A2ML1: variants seen among roughly 807,000 people sequenced by gnomAD.
A2ML1 encodes the protein alpha-2-macroglobulin-like protein 1.
In A2ML1, 161 loss-of-function variants were observed where a neutral mutation model predicts 181.9. That is an observed-to-expected ratio of 0.89 (90% CI 0.78 to 1.01). A2ML1 has a LOEUF of 1.01. A2ML1 is among the 50% of genes least tolerant of loss of function. The probability of loss-of-function intolerance (pLI) is 0.00; values close to 1 mark genes in which losing one functional copy is unlikely to be tolerated. For synonymous variants in A2ML1, 663 were observed against 666.8 expected (o/e 0.99, Z 0.09); for missense variants, 1,670 against 1,768.1 (o/e 0.94, Z 1.00).
At chr12:8,823,536 G>A (rs969843083) in intron 2 of A2ML1, 171 bp downstream of exon 2, 13 of 1,077,882 alleles carry the variant, frequency 1.2e-5, no homozygotes, top group African/African-American at 1.1e-4. Flanking sequence ...CGGTTTCCTC[G>A]ACCTAGGATT....
rs1038025741 is a variant in A2ML1, at chr12:8,852,123, G to A, written c.2464-87G>A. On this transcript the variant is annotated intron_variant, in intron 19 of 35. Coordinates refer to ENST00000299698, the MANE Select transcript of A2ML1 (RefSeq NM_144670.6). This position sits in a 1 kb window ranked among gnomAD's most constrained non-coding sequence, Gnocchi z 4.2. ...ATTTTCCCTGGGAAAGAGAGGAGAT[G>A]TCGGCGTCTCAGCCCCCAGGTTTCC... 15 of 1,590,808 alleles carry A rather than the reference G, an allele frequency of 9.4e-6. No homozygotes were observed. In the Admixed American group the frequency reaches 2.6e-4, roughly 27 times the overall value.
At chr12:8,837,610 G>A (rs764081694) in intron 8 of A2ML1, 44 bp downstream of exon 8, 37 of 1,577,242 alleles carry the variant, frequency 2.3e-5, no homozygotes, top group African/African-American at 4.1e-5. Context: ...GGCCAGGCAC[G>A]GTGGCTCACG....
chr12:8,862,122 G>A (rs1944289299), intron 28 of A2ML1, among the ~76,000 whole-genome samples: 1 of 152,116 alleles, frequency 6.6e-6, no homozygotes, highest in African/African-American at 2.4e-5. Flanking sequence ...AAAATATATT[G>A]GCATTGTGGA....
At chr12:8,829,179 G>C in intron 3 of A2ML1, among the ~76,000 whole-genome samples, 1 of 152,146 alleles carries the variant, frequency 6.6e-6, no homozygotes, top group Non-Finnish European at 1.5e-5. Context: ...GTTCAGTTTG[G>C]TGTTACTGTG....
chr12:8,883,717 A>G (rs888464527), intron 7 of A2ML1, among the ~76,000 whole-genome samples: 1 of 151,912 alleles, frequency 6.6e-6, no homozygotes, highest in Non-Finnish European at 1.5e-5. Context: ...ACCTCAGGTG[A>G]TCTGCCCACC....
At chr12:8,829,068 C>T (rs1943024970) in intron 3 of A2ML1, among the ~76,000 whole-genome samples, 1 of 152,196 alleles carries the variant, frequency 6.6e-6, no homozygotes, top group South Asian at 2.1e-4. Flanking sequence ...CTTTTCTACC[C>T]TCTTCAGTGC....
At position 8,858,109 on chromosome 12, in the gene A2ML1, A is replaced by C. The variant is rs765419462; in HGVS notation, c.3264+7A>C. ...CCTTCACACAGCTATGAAGGTGCGG[A>C]TCTGTCCAGGAGCCTGCAGCCAACC... On this transcript the variant is annotated splice_region_variant and intron_variant, in intron 26 of 35. Coordinates refer to ENST00000299698, the MANE Select transcript of A2ML1 (RefSeq NM_144670.6). 25 of 1,613,778 alleles carry C rather than the reference A, an allele frequency of 1.5e-5. No homozygotes were observed. The highest frequency in any genetic ancestry group is 2.1e-5 in the Non-Finnish European group (25 of 1,179,886).
intron 4 of A2ML1, 101 bp from the exon 5 acceptor site, chr12:8,834,561 A>T: frequency 7.1e-7 from 1 of 1,415,766 alleles, no homozygotes; most frequent in Non-Finnish European, 9.9e-7. Flanking sequence ...GAAATGGGCA[A>T]GAGGGAAAGG....
chr12:8,868,135 CTCTT>C, intron 30 of A2ML1, 78 bp downstream of exon 30: 9 of 1,608,914 alleles, frequency 5.6e-6, no homozygotes, highest in Middle Eastern at 1.7e-4. Flanking sequence ...CCTTCTCTCT[CTCTT>C]TCTTTCTCAC....
chr12:8,838,914 TA>T lies in A2ML1; in HGVS notation c.971-177del, dbSNP rs11314317. ...TGGGCAACAGAGCGAGACTCCATCTTAAAAAAAAAAAAAAAAAAAAAAGAAG... is the reference window on the plus strand; with the variant it reads ...TGGGCAACAGAGCGAGACTCCATCTTAAAAAAAAAAAAAAAAAAAAAGAAG... On this transcript the variant is annotated intron_variant, in intron 9 of 35. Coordinates refer to ENST00000299698, the MANE Select transcript of A2ML1 (RefSeq NM_144670.6). Among the ~76,000 whole-genome samples, 19,228 of 110,658 alleles carry T rather than the reference TA, an allele frequency of 0.17. 1,526 individuals are homozygous for T. Among genetic ancestry groups the T allele is most frequent in the African/African-American group, 0.23 (6,710 of 29,746 alleles). 72.6% of individuals were successfully genotyped at this position (110,658 alleles called of 152,430 possible).
chr12:8,823,911 A>G (rs1942835043), intron 3 of A2ML1, 29 bp downstream of exon 3: 2 of 1,595,826 alleles, frequency 1.3e-6, no homozygotes, highest in African/African-American at 2.7e-5. Context: ...GGGTTCGACT[A>G]AAACCTGGGG....
At chr12:8,870,546 C>T (rs963853664) in intron 33 of A2ML1, among the ~76,000 whole-genome samples, 6 of 152,174 alleles carry the variant, frequency 3.9e-5, no homozygotes, top group East Asian at 1.9e-4. Flanking sequence ...GGATTACAGG[C>T]GTAAGCCACC....
At chr12:8,836,395 T>G (rs192636548) in intron 7 of A2ML1, 56 bp downstream of exon 7, 131 of 1,482,280 alleles carry the variant, frequency 8.8e-5, no homozygotes, top group Non-Finnish European at 7.7e-5. Flanking sequence ...AGAGACATGA[T>G]GAGGGGATGA....
chr12:8,848,420 G>A (rs1943774506), intron 15 of A2ML1, among the ~76,000 whole-genome samples: 1 of 152,110 alleles, frequency 6.6e-6, no homozygotes, highest in Non-Finnish European at 1.5e-5. Flanking sequence ...GGCAGAGGTT[G>A]CAGTGAGCCG....
rs1173888549 is a variant in A2ML1 at position 8,823,879 on chromosome 12, C to A, written c.406C>A (p.Gln136Lys). 3 of 1,609,296 alleles carry A rather than the reference C, an allele frequency of 1.9e-6. No individual in the cohort carries two copies. The highest frequency in any genetic ancestry group is 2.2e-5 in the South Asian group (2 of 90,216). ...CAAACCTCTCTACACCCCAGGGCAG[C>A]AAGGTAAGAGTCACATATTTGGGGT... ...TDKPLYTPGQ[Q>K]VYFRIVTMDS... is the part of the protein sequence containing the mutation. Residue 136 changes from glutamine to lysine, a missense_variant, in exon 3 of 36, where the codon CAA (glutamine) becomes AAA (lysine). By Grantham distance (53) the Gln-to-Lys change is moderately conservative. Transcript: ENST00000299698.
chr12:8,854,005 C>A, intron 20 of A2ML1, 123 bp from the exon 21 acceptor site: 1 of 1,281,178 alleles, frequency 7.8e-7, no homozygotes, highest in Non-Finnish European at 1.0e-6. Context: ...AGGTCTATGG[C>A]AGCAGAGTTT....
chr12:8,848,818 C>T lies in A2ML1; in HGVS notation c.1932C>T (p.Pro644=). ...PVSGPWDFPQ[P]LIDPMPQGHS... ...CTGGCCCATGGGACTTTCCTCAGCC[C>T]CTCATTGACCCAATGCCCCAAGGGC... The change falls in exon 16 of 36, where the codon CCC becomes CCT. Residue 644 remains proline (P), a synonymous_variant. Transcript: ENST00000299698. The T allele has an allele frequency of 6.2e-7, 1 of 1,614,122 alleles. No individual in the cohort carries two copies. The highest frequency in any genetic ancestry group is 8.5e-7 in the Non-Finnish European group (1 of 1,180,020).
chr12:8,853,861 G>C (rs1265182706), intron 20 of A2ML1, among the ~76,000 whole-genome samples: 1 of 152,114 alleles, frequency 6.6e-6, no homozygotes, highest in East Asian at 1.9e-4. Flanking sequence ...ACTCAATCCA[G>C]CTCACACTCA....
In A2ML1 at chr12:8,843,227, A is replaced by G. The variant is rs764604050; in HGVS notation, c.1342A>G (p.Thr448Ala). The G allele has an allele frequency of 1.9e-6, 3 of 1,614,216 alleles. No homozygotes were observed. The highest frequency in any genetic ancestry group is 2.2e-5 in the South Asian group (2 of 91,086). ...AYLHLRPFYS[T>A]TRSFLGIHRL... Reference sequence around the variant, plus strand: ...CCTGCACCTGCGACCCTTCTACAGCACAACCCGCAGCTTCCTTGGCATCCA... The same window carrying G: ...CCTGCACCTGCGACCCTTCTACAGCGCAACCCGCAGCTTCCTTGGCATCCA... Residue 448 changes from threonine to alanine, a missense_variant, in exon 12 of 36, where the codon ACA becomes GCA. Transcript: ENST00000299698.
Sources: allele counts gnomAD v4.1 joint callset (sites outside exome capture counted in the v4.1 genomes callset), GRCh38; gene constraint gnomAD v4.1.1; non-coding constraint Gnocchi (gnomAD v3.1); transcripts MANE v1.5; gene names NCBI Gene and HGNC (gene_info 2026-07-23, HGNC 2026-07-21).